The following AP4E1 variants were observed in gnomAD, a reference collection of about 807,000 sequenced individuals.
AP4E1 encodes adaptor related protein complex 4 subunit epsilon 1.
A neutral mutation model predicts 128.2 loss-of-function variants in AP4E1; 56 were observed. The ratio of observed to expected loss-of-function variants is 0.44; its 90% CI spans 0.35 to 0.55. The LOEUF is 0.55. Among genes scored for constraint, AP4E1 ranks in the 20% least tolerant of loss-of-function variants. The pLI, the probability that AP4E1 is intolerant of heterozygous loss-of-function variation, is 0.00. For synonymous variants in AP4E1, 484 were observed against 473.1 expected (o/e 1.02, Z -0.30); for missense variants, 1,324 against 1,307.7 (o/e 1.01, Z -0.19).
chr15:50,931,342 C>T (rs1038052422), intron 7 of AP4E1, among the ~76,000 whole-genome samples: 17 of 152,044 alleles, frequency 1.1e-4, no homozygotes, highest in East Asian at 1.9e-4. Flanking sequence ...GCTGAGGTGG[C>T]GGATCACAAG....
intron 20 of AP4E1, 35 bp from the exon 21 acceptor site, chr15:51,002,467 G>A (rs1471348673): frequency 6.2e-7 from 1 of 1,609,940 alleles, no homozygotes; most frequent in Non-Finnish European, 8.5e-7. Flanking sequence ...AACTCCTTTT[G>A]CATTAAATCA....
chr15:50,985,825 T>A (rs1387699325), intron 16 of AP4E1, among the ~76,000 whole-genome samples: 1 of 152,186 alleles, frequency 6.6e-6, no homozygotes, highest in African/African-American at 2.4e-5. Context: ...AACTTTAAAG[T>A]AGTTTTTTCC....
intron 10 of AP4E1, among the ~76,000 whole-genome samples, chr15:50,946,754 A>G (rs1231982030): frequency 6.6e-6 from 1 of 152,178 alleles, no homozygotes; most frequent in Non-Finnish European, 1.5e-5. Flanking sequence ...GATTTCTGAG[A>G]CTTATATTTT....
At chr15:50,920,589 G>A (rs1023001654) in intron 3 of AP4E1, among the ~76,000 whole-genome samples, 11 of 151,424 alleles carry the variant, frequency 7.3e-5, no homozygotes, top group Non-Finnish European at 1.6e-4. Flanking sequence ...TGGTAGGGAC[G>A]GGGTTTCACC....
chr15:50,925,796 A>ATT (rs34511684), intron 5 of AP4E1, among the ~76,000 whole-genome samples: 10 of 141,438 alleles, frequency 7.1e-5, no homozygotes, highest in Admixed American at 4.3e-4. Flanking sequence ...TGCCCGACTA[A>ATT]TTTTTTTTTT....
At chr15:50,946,198 T>G (rs2064059585) in intron 10 of AP4E1, among the ~76,000 whole-genome samples, 1 of 152,210 alleles carries the variant, frequency 6.6e-6, no homozygotes, top group Admixed American at 6.5e-5. Context: ...ATCTGCATTC[T>G]TTTATTGAAG....
At chr15:50,932,289 C>A (rs1407632770) in intron 7 of AP4E1, among the ~76,000 whole-genome samples, 1 of 152,056 alleles carries the variant, frequency 6.6e-6, no homozygotes, top group African/African-American at 2.4e-5. Context: ...CAATTTTGCC[C>A]TACTTTTTCA....
chr15:50,929,067 A>C lies in AP4E1; in HGVS notation c.601A>C (p.Asn201His), dbSNP rs564191868. Residue 201 changes from asparagine to histidine, a missense_variant, in exon 6 of 21, where the codon AAT (asparagine) becomes CAT (histidine). Physicochemically the swap from Asn to His is moderately conservative, Grantham distance 68. Coordinates refer to ENST00000261842, the MANE Select transcript of AP4E1 (RefSeq NM_007347.5). ...ALYKFHLIAP[N>H]QVQHIHIKFR... ...ATACAAATTCCATCTCATTGCTCCT[A>C]ATCAAGTACAACATATTCATATTAA... The C allele has an allele frequency of 1.2e-6, 2 of 1,613,852 alleles. No individual in the cohort carries two copies. Among genetic ancestry groups the C allele is most frequent in the Non-Finnish European group, 1.7e-6 (2 of 1,179,880 alleles).
intron 15 of AP4E1, among the ~76,000 whole-genome samples, chr15:50,974,894 C>T (rs1444395814): frequency 6.6e-6 from 1 of 151,634 alleles, no homozygotes; most frequent in Non-Finnish European, 1.5e-5. Context: ...ACTATTGAGT[C>T]ATAGGATTAA....
chr15:50,978,623 C>T (rs2064592383), intron 15 of AP4E1, among the ~76,000 whole-genome samples: 1 of 152,186 alleles, frequency 6.6e-6, no homozygotes, highest in Admixed American at 6.6e-5. Flanking sequence ...TAGAATACTT[C>T]AGCGGCTCCC....
rs1274819075 is a variant in AP4E1, at chr15:50,968,308, CTCAG to C, written c.1902_1905del (p.Ser634ArgfsTer61). ...TCTGGATGGTTTTGTGGCTGAAGGACTCAGTCAGGGTGCAGCGCCTTACAAACCT... is the reference window on the plus strand; with the variant it reads ...TCTGGATGGTTTTGTGGCTGAAGGACTCAGGGTGCAGCGCCTTACAAACCT... On this transcript the variant is annotated frameshift_variant, in exon 15 of 21. Coordinates refer to ENST00000261842, the MANE Select transcript of AP4E1 (RefSeq NM_007347.5). LOFTEE classifies it high-confidence loss of function. 1 of 1,613,670 alleles carries C rather than the reference CTCAG, an allele frequency of 6.2e-7. No homozygotes were observed. Among genetic ancestry groups the C allele is most frequent in the Non-Finnish European group, 8.5e-7 (1 of 1,179,866 alleles).
At chr15:50,908,372 A>G (rs1596446649), upstream of AP4E1, among the ~76,000 whole-genome samples, 1 of 152,132 alleles carries the variant, frequency 6.6e-6, no homozygotes, top group East Asian at 1.9e-4. Context: ...AAAAAGGCGC[A>G]GCCAGGAAGA....
intron 10 of AP4E1, chr15:50,944,826 A>C: frequency 2.7e-6 from 2 of 730,134 alleles, no homozygotes; most frequent in South Asian, 3.2e-5. Flanking sequence ...AGTATTTGCA[A>C]AACCATTCCT....
chr15:50,944,713 A>G, intron 10 of AP4E1: 3 of 512,462 alleles, frequency 5.9e-6, no homozygotes, highest in East Asian at 3.3e-5. Context: ...TGTGAAACCA[A>G]GTTGGACTTA....
In AP4E1 at chr15:50,930,800, TG is replaced by T. The variant is rs748462592; in HGVS notation, c.703-4del. On this transcript the variant is annotated splice_polypyrimidine_tract_variant and splice_region_variant and intron_variant, in intron 6 of 20. Coordinates refer to ENST00000261842, the MANE Select transcript of AP4E1 (RefSeq NM_007347.5). ...TAACAAAGTTTTTTTTGCGGGGGGA[TG>T]TAGGAGAATTCATCTGGATATAAAG... 2.3e-5 allele frequency: 37 copies of T among 1,613,996 alleles called. No homozygotes were observed. In the African/African-American group the frequency reaches 4.4e-4, roughly 19 times the overall value.
At position 51,002,367 on chromosome 15, in the gene AP4E1, A is replaced by G. The variant is rs150577289; in HGVS notation, c.3254-135A>G. The G allele has an allele frequency of 3.7e-4, 332 of 886,152 alleles. 2 individuals are homozygous for G. The African/African-American group carries it at 4.8e-3, about 13-fold the overall frequency. 54.9% of individuals were successfully genotyped at this position (886,152 alleles called of 1,614,324 possible). A position where few individuals can be genotyped will look rare whatever the true frequency, so the allele number is the denominator to read the frequency against. On this transcript the variant is annotated intron_variant, in intron 20 of 20. Transcript: ENST00000261842. ...AGTATAGTATCTCACTGTGGTTTCA[A>G]TTTGCAGTCTCCTTAGTGGTTAGTG...
At chr15:50,978,645 C>G (rs1431954227) in intron 15 of AP4E1, among the ~76,000 whole-genome samples, 1 of 152,178 alleles carries the variant, frequency 6.6e-6, no homozygotes, top group Non-Finnish European at 1.5e-5. Flanking sequence ...ACTCGAAGGA[C>G]TCTCTGCCTC....
intron 7 of AP4E1, chr15:50,934,399 CAT>C: frequency 2.4e-6 from 1 of 418,286 alleles, no homozygotes; most frequent in Middle Eastern, 7.1e-4. Context: ...AGTTGATTGA[CAT>C]ATATATCTCA....
chr15:50,943,879 C>T (rs1007484018), intron 10 of AP4E1, among the ~76,000 whole-genome samples: 7 of 152,220 alleles, frequency 4.6e-5, no homozygotes, highest in Non-Finnish European at 8.8e-5. Context: ...TCATGCTACT[C>T]AGAAAGGCAT....
Sources: allele counts gnomAD v4.1 joint callset (sites outside exome capture counted in the v4.1 genomes callset), GRCh38; gene constraint gnomAD v4.1.1; transcripts MANE v1.5; gene names NCBI Gene and HGNC (gene_info 2026-07-23, HGNC 2026-07-21).